Variants in IL22RA2 observed in about 807,000 individuals in gnomAD.
The protein encoded by IL22RA2 is interleukin 22 receptor subunit alpha 2, also known as interleukin-22 receptor subunit alpha-2.
IL22RA2 carries 39 observed loss-of-function variants against 30.7 expected under a neutral mutation model. That is an observed-to-expected ratio of 1.27 (90% CI 0.98 to 1.66). IL22RA2 has a LOEUF of 1.66. Ranked by LOEUF, IL22RA2 falls within the 40% of genes most tolerant of loss-of-function variation. IL22RA2 has a pLI of 0.00. For synonymous variants in IL22RA2, 103 were observed against 105.0 expected, an observed-to-expected ratio of 0.98 and a Z score of 0.11; for missense variants, 315 against 312.7, an observed-to-expected ratio of 1.01 and a Z score of -0.05.
In IL22RA2 at chr6:137,156,803, C is replaced by T; in HGVS notation, c.249G>A (p.Trp83Ter). The T allele has an allele frequency of 8.1e-6, 13 of 1,613,860 alleles. No individual in the cohort carries two copies. Among genetic ancestry groups the T allele is most frequent in the South Asian group, 1.1e-5 (1 of 91,064 alleles). Reference protein sequence around the residue: ...KSSHQKPSGCWQHISCNFPGC... With the variant: ...KSSHQKPSGC Reference sequence around the variant, plus strand: ...CTGGGAAGTTACAAGAAATGTGCTGCCAGCATCCACTTGGCTTCTGGTGAG... The same window carrying T: ...CTGGGAAGTTACAAGAAATGTGCTGTCAGCATCCACTTGGCTTCTGGTGAG... The change falls in exon 4 of 7, where the codon TGG becomes TGA. Residue 83 changes from tryptophan to a stop codon, truncating the protein, a stop_gained. Transcript: ENST00000296980. LOFTEE classifies it high-confidence loss of function.
At chr6:137,167,404 T>G (rs1455595652) in intron 1 of IL22RA2, among the ~76,000 whole-genome samples, 1 of 152,128 alleles carries the variant, frequency 6.6e-6, no homozygotes, top group East Asian at 1.9e-4. Context: ...TGATCATAAC[T>G]CAGATAAACG....
intron 4 of IL22RA2, among the ~76,000 whole-genome samples, chr6:137,156,044 T>C (rs1007117956): frequency 6.6e-6 from 1 of 152,162 alleles, no homozygotes; most frequent in Non-Finnish European, 1.5e-5. Flanking sequence ...TATTGAAAAT[T>C]GACGGGAACT....
chr6:137,145,550 T>C lies in IL22RA2; in HGVS notation c.*74A>G. On this transcript the variant is annotated 3_prime_UTR_variant, in exon 7 of 7. Coordinates refer to ENST00000296980, the MANE Select transcript of IL22RA2 (RefSeq NM_052962.3). ...AATACAAAAACAATTTTAAATAAGA[T>C]CCTTCAAACACGAGTCATCCTGTTC... 1 of 1,354,216 alleles carries C rather than the reference T, an allele frequency of 7.4e-7. No individual in the cohort carries two copies. Among genetic ancestry groups the C allele is most frequent in the South Asian group, 1.4e-5 (1 of 70,260 alleles). The allele number at this position is 1,354,216 out of a possible 1,614,324, so 83.9% of individuals were successfully genotyped here.
At chr6:137,161,167 G>A (rs1778514162) in intron 2 of IL22RA2, among the ~76,000 whole-genome samples, 1 of 152,164 alleles carries the variant, frequency 6.6e-6, no homozygotes, top group African/African-American at 2.4e-5. Context: ...TATATTAATT[G>A]ATTTAATCTT....
At chr6:137,171,826 C>T (rs1364679004) in intron 1 of IL22RA2, among the ~76,000 whole-genome samples, 2 of 152,208 alleles carry the variant, frequency 1.3e-5, no homozygotes, top group African/African-American at 4.8e-5. Context: ...GAGGCCAGCC[C>T]TATGTGGAAA....
At chr6:137,164,122 A>T (rs1320416745) in intron 1 of IL22RA2, among the ~76,000 whole-genome samples, 1 of 152,228 alleles carries the variant, frequency 6.6e-6, no homozygotes, top group Admixed American at 6.5e-5. Flanking sequence ...GTCAAAGCCT[A>T]TTCCACTGGA....
chr6:137,146,421 A>G (rs778561625), intron 6 of IL22RA2, among the ~76,000 whole-genome samples: 1 of 152,180 alleles, frequency 6.6e-6, no homozygotes, highest in Non-Finnish European at 1.5e-5. Flanking sequence ...GGCCACATAG[A>G]GACAGAAAGT....
Position 137,145,508 on chromosome 6 carries a change from G to T in IL22RA2, c.*116C>A. The T allele has an allele frequency of 1.1e-6, 1 of 882,110 alleles. No homozygotes were observed. Among genetic ancestry groups the T allele is most frequent in the Non-Finnish European group, 1.7e-6 (1 of 597,698 alleles). The allele number at this position is 882,110 out of a possible 1,614,324, so 54.6% of individuals were successfully genotyped here. A position where few individuals can be genotyped will look rare whatever the true frequency, so the allele number is the denominator to read the frequency against. ...AAAGAAGTCCCCAAGGTGTAACAGT[G>T]AATATTGCTTTAAGAAAATACAAAA... On this transcript the variant is annotated 3_prime_UTR_variant, in exon 7 of 7. Coordinates refer to ENST00000296980, the MANE Select transcript of IL22RA2 (RefSeq NM_052962.3).
At chr6:137,149,732 A>C (rs1778250819) in intron 5 of IL22RA2, among the ~76,000 whole-genome samples, 1 of 152,198 alleles carries the variant, frequency 6.6e-6, no homozygotes, top group Non-Finnish European at 1.5e-5. Flanking sequence ...TTTCTGGAGG[A>C]AGTCACAACT....
chr6:137,150,480 ATTTTTTTTT>A (rs61381227), intron 5 of IL22RA2, among the ~76,000 whole-genome samples: 162 of 100,524 alleles, frequency 1.6e-3, no homozygotes, highest in Non-Finnish European at 2.5e-3. Context: ...TTCTTTTCTG[ATTTTTTTTT>A]TTTTTTTTTT....
At chr6:137,147,691 A>T (rs192257294) in intron 6 of IL22RA2, 31 bp downstream of exon 6, 25 of 1,453,738 alleles carry the variant, frequency 1.7e-5, no homozygotes, top group Non-Finnish European at 2.1e-5. Context: ...AAAGAAAAAA[A>T]CTCTAAATAT....
intron 5 of IL22RA2, among the ~76,000 whole-genome samples, chr6:137,152,909 G>A (rs1028407866): frequency 6.6e-6 from 1 of 152,092 alleles, no homozygotes; most frequent in Non-Finnish European, 1.5e-5. Context: ...CAGTAAGGAA[G>A]ATCAATGTTG....
chr6:137,155,982 T>G (rs1411718549), intron 4 of IL22RA2, among the ~76,000 whole-genome samples: 1 of 152,226 alleles, frequency 6.6e-6, no homozygotes, highest in East Asian at 1.9e-4. Flanking sequence ...GAGAAGTTGC[T>G]ACCACTTTTC....
chr6:137,164,875 C>T (rs28741384), intron 1 of IL22RA2, among the ~76,000 whole-genome samples: 17 of 152,340 alleles, frequency 1.1e-4, no homozygotes, highest in South Asian at 8.3e-4. Flanking sequence ...AGACAACATA[C>T]TCCCTCCTAT....
intron 1 of IL22RA2, among the ~76,000 whole-genome samples, chr6:137,168,824 GA>G (rs1476270436): frequency 6.6e-6 from 1 of 152,178 alleles, no homozygotes; most frequent in Non-Finnish European, 1.5e-5. Flanking sequence ...TCATCACAAA[GA>G]AAACCCAAAG....
chr6:137,170,108 T>A (rs1778701069), intron 1 of IL22RA2, among the ~76,000 whole-genome samples: 1 of 152,198 alleles, frequency 6.6e-6, no homozygotes, highest in Non-Finnish European at 1.5e-5. Flanking sequence ...GACTCAATGG[T>A]AGACAGACAT....
At chr6:137,156,624 T>C in intron 4 of IL22RA2, 135 bp downstream of exon 4, 2 of 1,180,874 alleles carry the variant, frequency 1.7e-6, no homozygotes, top group Non-Finnish European at 2.3e-6. Flanking sequence ...ATTTGTCTTG[T>C]GCTGTTGAAA....
intron 1 of IL22RA2, among the ~76,000 whole-genome samples, chr6:137,164,448 A>G (rs1312631898): frequency 6.6e-6 from 1 of 152,256 alleles, no homozygotes; most frequent in Non-Finnish European, 1.5e-5. Flanking sequence ...ACCAGGAACA[A>G]TAGAAAGAAA....
Position 137,155,075 on chromosome 6 carries a change from G to C in IL22RA2, c.338C>G (p.Thr113Ser). 6.2e-7 allele frequency: 1 copy of C among 1,611,344 alleles called. No homozygotes were observed. The highest frequency in any genetic ancestry group is 8.5e-7 in the Non-Finnish European group (1 of 1,178,470). ...QWKNKEDCWG[T>S]QELSCDLTSE... ...GGTAAGGTCACAAGAGAGTTCTTGA[G>C]TACCCCAACAGTCTTCTTTATTTTT... Residue 113 changes from threonine (T) to serine (S), a missense_variant, in exon 5 of 7, where the codon ACT becomes AGT. Coordinates refer to ENST00000296980, the MANE Select transcript of IL22RA2 (RefSeq NM_052962.3).
Sources: gnomAD v4.1 joint callset for allele counts (sites outside exome capture counted in the v4.1 genomes callset) on GRCh38, gnomAD v4.1.1 for gene constraint, MANE v1.5 for transcripts, NCBI Gene and HGNC (gene_info 2026-07-23, HGNC 2026-07-21) for gene names.